The following GLRA3 variants were observed in gnomAD, a reference collection of about 807,000 sequenced individuals.
GLRA3 encodes the protein glycine receptor subunit alpha-3.
Under a neutral mutation model 60.4 loss-of-function variants are expected in GLRA3, and 44 were observed. The observed-to-expected ratio is 0.73, with a 90% confidence interval of 0.57 to 0.94. The LOEUF is 0.94. Ranked by LOEUF, GLRA3 falls within the 40% of genes least tolerant of loss-of-function variation. GLRA3 has a pLI of 0.00. For synonymous variants in GLRA3, 223 were observed against 192.9 expected (o/e 1.16, Z -1.29); for missense variants, 508 against 564.6 (o/e 0.90, Z 1.02).
intron 5 of GLRA3, among the ~76,000 whole-genome samples, chr4:174,706,209 G>C (rs956417626): frequency 6.6e-6 from 1 of 151,160 alleles, no homozygotes; most frequent in Admixed American, 6.6e-5. Flanking sequence ...CAGCCTGGGC[G>C]AAAGGGCGAG....
At chr4:174,753,976 G>A (rs755836637) in intron 3 of GLRA3, among the ~76,000 whole-genome samples, 8 of 150,538 alleles carry the variant, frequency 5.3e-5, no homozygotes, top group Non-Finnish European at 1.2e-4. Flanking sequence ...TTTTTTTTCC[G>A]TTGTCATTAG....
At chr4:174,733,474 G>T (rs759623291) in intron 3 of GLRA3, among the ~76,000 whole-genome samples, 1 of 152,146 alleles carries the variant, frequency 6.6e-6, no homozygotes, top group Non-Finnish European at 1.5e-5. Context: ...AAAGGGCCCA[G>T]CCTGGAGCAT....
In GLRA3 at chr4:174,642,087, G is replaced by T; in HGVS notation, c.*1699C>A. On this transcript the variant is annotated 3_prime_UTR_variant, in exon 10 of 10. Coordinates refer to ENST00000274093, the MANE Select transcript of GLRA3 (RefSeq NM_006529.4). ...CATGATATTATTTCCTTATAGTGTT[G>T]TTTTAAGTTACTTATAAAGGAGGGG... 1 of 874,524 alleles carries T rather than the reference G, an allele frequency of 1.1e-6. No individual in the cohort carries two copies. The highest frequency in any genetic ancestry group is 1.4e-6 in the Non-Finnish European group (1 of 729,024). The allele number at this position is 874,524 out of a possible 1,614,324, so 54.2% of individuals were successfully genotyped here.
chr4:174,788,352 G>A (rs534725861), intron 2 of GLRA3, among the ~76,000 whole-genome samples: 1 of 152,108 alleles, frequency 6.6e-6, no homozygotes, highest in Non-Finnish European at 1.5e-5. Context: ...TTCAAAGGCT[G>A]TCAGTTAGCA....
At chr4:174,733,159 A>G (rs1203465779) in intron 3 of GLRA3, among the ~76,000 whole-genome samples, 1 of 152,112 alleles carries the variant, frequency 6.6e-6, no homozygotes, top group Non-Finnish European at 1.5e-5. Flanking sequence ...GGTAGAGGAA[A>G]AAGGCCAAGA....
At position 174,643,716 on chromosome 4, in the gene GLRA3, A is replaced by G. The variant is rs1433641401; in HGVS notation, c.*70T>C. The G allele has an allele frequency of 3.2e-6, 5 of 1,553,922 alleles. No homozygotes were observed. The Admixed American group carries it at 5.6e-5, about 17-fold the overall frequency. ...ATTTGTATACCACACGCACACATAT[A>G]CACATACACACCTATGGCAGAGACA... On this transcript the variant is annotated 3_prime_UTR_variant, in exon 10 of 10. Transcript: ENST00000274093.
chr4:174,810,416 T>A (rs1740216613), intron 1 of GLRA3, among the ~76,000 whole-genome samples: 1 of 151,924 alleles, frequency 6.6e-6, no homozygotes, highest in Non-Finnish European at 1.5e-5. Context: ...ATTAATCCCC[T>A]AATTGGAACA....
chr4:174,823,000 TC>T (rs920904353), intron 1 of GLRA3, among the ~76,000 whole-genome samples: 4 of 152,202 alleles, frequency 2.6e-5, no homozygotes, highest in Non-Finnish European at 5.9e-5. Flanking sequence ...GATTTAAAAC[TC>T]CATTTATTGA....
chr4:174,677,423 G>A (rs971117745), intron 6 of GLRA3, 131 bp from the exon 7 acceptor site: 4 of 613,940 alleles, frequency 6.5e-6, no homozygotes, highest in African/African-American at 5.5e-5. Context: ...GAAGTGGCAT[G>A]ATCTCAGCTC....
At chr4:174,730,323 T>G (rs1736505364) in intron 3 of GLRA3, among the ~76,000 whole-genome samples, 1 of 152,132 alleles carries the variant, frequency 6.6e-6, no homozygotes, top group Admixed American at 6.5e-5. Context: ...GTGTGTGCCC[T>G]CAATACCACT....
At position 174,682,806 on chromosome 4, in the gene GLRA3, A is replaced by G; in HGVS notation, c.708T>C (p.Asn236=). The change falls in exon 6 of 10, where the codon AAT becomes AAC. Residue 236 remains asparagine (N), a synonymous_variant. Coordinates refer to ENST00000274093, the MANE Select transcript of GLRA3 (RefSeq NM_006529.4). ...KDLRYCTKHY[N]TGKFTCIEVR... The stretch of plus-strand genomic sequence containing the variant: ...AGAACACTACTCAACCCCTACCTGT[A>G]TTGTAATGTTTAGTGCAGTATCGTA... 6.2e-7 allele frequency: 1 copy of G among 1,611,202 alleles called. No homozygotes were observed. The highest frequency in any genetic ancestry group is 8.5e-7 in the Non-Finnish European group (1 of 1,177,528).
At chr4:174,682,193 A>G (rs1734371854) in intron 6 of GLRA3, among the ~76,000 whole-genome samples, 1 of 152,164 alleles carries the variant, frequency 6.6e-6, no homozygotes, top group Non-Finnish European at 1.5e-5. Context: ...TTCTAACTGT[A>G]TAGTTAGAAT....
intron 2 of GLRA3, among the ~76,000 whole-genome samples, chr4:174,774,146 G>T (rs1738500839): frequency 6.6e-6 from 1 of 152,126 alleles, no homozygotes; most frequent in South Asian, 2.1e-4. Context: ...TGTAAAAGAA[G>T]AAGTAGCAGC....
chr4:174,787,176 T>C (rs971939414), intron 2 of GLRA3, among the ~76,000 whole-genome samples: 24 of 152,294 alleles, frequency 1.6e-4, no homozygotes, highest in Middle Eastern at 6.8e-3. Flanking sequence ...GGTTGGTAAC[T>C]TATCTGCAGT....
chr4:174,692,749 G>A lies in GLRA3; in HGVS notation c.575-9810C>T, dbSNP rs559278091. ...ACAGATGCTTGAAGGCAGCATGCTC[G>A]TTAAGAGTCATCACCACTCCCTAAT... On this transcript the variant is annotated intron_variant, in intron 5 of 9. Coordinates refer to ENST00000274093, the MANE Select transcript of GLRA3 (RefSeq NM_006529.4). 2.7e-3 allele frequency among the ~76,000 whole-genome samples: 408 copies of A among 151,676 alleles called. 3 individuals are homozygous for A. Among genetic ancestry groups the A allele is most frequent in the African/African-American group, 9.5e-3 (393 of 41,318 alleles).
intron 4 of GLRA3, among the ~76,000 whole-genome samples, chr4:174,717,592 G>T (rs571239675): frequency 3.9e-5 from 6 of 152,252 alleles, no homozygotes; most frequent in Admixed American, 2.6e-4. Context: ...CAGTGAAGCT[G>T]CTGAATTTTA....
At chr4:174,661,378 A>G (rs1291442341) in intron 7 of GLRA3, among the ~76,000 whole-genome samples, 5 of 152,150 alleles carry the variant, frequency 3.3e-5, no homozygotes, top group Non-Finnish European at 7.4e-5. Flanking sequence ...ATTATCCTCA[A>G]CATGTACTTG....
intron 2 of GLRA3, among the ~76,000 whole-genome samples, chr4:174,785,936 G>GCTT (rs1554021315): frequency 1.9e-5 from 2 of 103,472 alleles, no homozygotes; most frequent in East Asian, 6.8e-4. Context: ...TGCCTGGCTA[G>GCTT]TTTTTTTTTT....
intron 6 of GLRA3, among the ~76,000 whole-genome samples, chr4:174,679,050 A>G (rs1451898257): frequency 6.6e-6 from 1 of 152,112 alleles, no homozygotes; most frequent in Non-Finnish European, 1.5e-5. Flanking sequence ...CATCAGAAAA[A>G]TGCAAATCAA....
Sources: gnomAD v4.1 joint callset for allele counts (sites outside exome capture counted in the v4.1 genomes callset) on GRCh38, gnomAD v4.1.1 for gene constraint, MANE v1.5 for transcripts, NCBI Gene and HGNC (gene_info 2026-07-23, HGNC 2026-07-21) for gene names.